CELSR3: variants seen among roughly 807,000 people sequenced by gnomAD.
CELSR3 encodes EGF-like protein 1.
In CELSR3, 73 loss-of-function variants were observed where a neutral mutation model predicts 270.0. The ratio of observed to expected loss-of-function variants is 0.27; its 90% confidence interval spans 0.22 to 0.33. CELSR3 has a LOEUF of 0.33. Ranked by LOEUF, CELSR3 falls within the 10% of genes least tolerant of loss-of-function variation. CELSR3 has a pLI of 1.00. For synonymous variants in CELSR3, 1,780 were observed against 1,905.4 expected, an observed-to-expected ratio of 0.93 and a Z score of 1.71; for missense variants, 3,614 against 4,533.8, an observed-to-expected ratio of 0.80 and a Z score of 5.83.
rs1367276432 is a variant in CELSR3, at chr3:48,658,513, C to A, written c.3748+374G>T. ...AAGCGTCAGACTGGACCCAAAGTAA[C>A]CCTTCGTCTGAACATGGGCATAGTG... On this transcript the variant is annotated intron_variant, in intron 1 of 34. Transcript: ENST00000164024. The surrounding 1 kb of genome is among the most constrained non-coding windows in gnomAD (Gnocchi z 4.7). Among the ~76,000 whole-genome samples the A allele has an allele frequency of 6.6e-6, 1 of 152,178 alleles. No individual in the cohort carries two copies. Among genetic ancestry groups the A allele is most frequent in the Admixed American group, 6.5e-5 (1 of 15,276 alleles).
chr3:48,646,172 A>T lies in CELSR3; in HGVS notation c.7381T>A (p.Ser2461Thr). ...GRNFLRGILE[S>T]PISLEFRLLQ... is the part of the protein sequence containing the mutation. ...AGGCGAAACTCTAGGCTGATGGGGG[A>T]CTCCAGGATTCCCCTTAGGAAGTTG... The change falls in exon 22 of 35, where the codon TCC (serine) becomes ACC (threonine). Residue 2461 changes from serine (S) to threonine (T), a missense_variant. Transcript: ENST00000164024. The surrounding 1 kb of genome is among the most constrained non-coding windows in gnomAD (Gnocchi z 4.8). 6.2e-7 allele frequency: 1 copy of T among 1,612,386 alleles called. No homozygotes were observed. The highest frequency in any genetic ancestry group is 1.7e-5 in the Admixed American group (1 of 59,962).
chr3:48,655,824 C>A lies in CELSR3; in HGVS notation c.4653G>T (p.Leu1551=), dbSNP rs1389617102. ...LSFATVQQSG[L]LFYNGRLNEK... is the part of the protein sequence containing the mutation. ...CGTTCAGGCGCCCGTTGTAGAAGAGCAGCCCGCTCTGCTGCACTGTCGCGA... is the reference window on the plus strand; with the variant it reads ...CGTTCAGGCGCCCGTTGTAGAAGAGAAGCCCGCTCTGCTGCACTGTCGCGA... The change falls in exon 4 of 35, where the codon CTG becomes CTT. Residue 1551 remains leucine (L), a synonymous_variant. Transcript: ENST00000164024. The surrounding 1 kb of genome is among the most constrained non-coding windows in gnomAD (Gnocchi z 5.8). The A allele has an allele frequency of 2.5e-6, 4 of 1,611,174 alleles. No individual in the cohort carries two copies. Among genetic ancestry groups the A allele is most frequent in the Non-Finnish European group, 2.5e-6 (3 of 1,179,662 alleles).
In CELSR3 at chr3:48,640,572, G is replaced by T. The variant is rs1241383930; in HGVS notation, c.9026-13C>A. 6.5e-7 allele frequency: 1 copy of T among 1,546,562 alleles called. No homozygotes were observed. The highest frequency in any genetic ancestry group is 1.4e-5 in the African/African-American group (1 of 73,324). ...TTCTTCAGGATGCCTGTGAGAGGAAGAAAATGGGGGGCAGGGTTTGTGTGG... is the reference window on the plus strand; with the variant it reads ...TTCTTCAGGATGCCTGTGAGAGGAATAAAATGGGGGGCAGGGTTTGTGTGG... On this transcript the variant is annotated splice_polypyrimidine_tract_variant and intron_variant, in intron 33 of 34. Transcript: ENST00000164024. This position sits in a 1 kb window ranked among gnomAD's most constrained non-coding sequence, Gnocchi z 7.5.
At chr3:48,649,311 G>A (rs755349371) in intron 16 of CELSR3, 96 bp from the exon 17 acceptor site, 9 of 1,036,862 alleles carry the variant, frequency 8.7e-6, no homozygotes, top group South Asian at 4.3e-5. Flanking sequence ...GAATCCCTGA[G>A]GCAGAAGTCA....
At position 48,661,545 on chromosome 3, in the gene CELSR3, G is replaced by A. The variant is rs747960554; in HGVS notation, c.1090C>T (p.Leu364=). The A allele has an allele frequency of 1.2e-6, 2 of 1,607,410 alleles. No individual in the cohort carries two copies. The highest frequency in any genetic ancestry group is 1.7e-6 in the Non-Finnish European group (2 of 1,178,190). ...AGEAGRLVYS[L]AALMNSRSLE... The stretch of plus-strand genomic sequence containing the variant: ...GAGCGGCTGTTCATGAGTGCCGCCA[G>A]CGAGTAGACTAGGCGCCCGGCCTCG... The change falls in exon 1 of 35, where the codon CTG becomes TTG. Residue 364 remains leucine, a synonymous_variant. Coordinates refer to ENST00000164024, the MANE Select transcript of CELSR3 (RefSeq NM_001407.3).
Position 48,653,829 on chromosome 3 carries a change from G to C in CELSR3, c.5279-41C>G. On this transcript the variant is annotated intron_variant, in intron 8 of 34. Transcript: ENST00000164024. This position sits in a 1 kb window ranked among gnomAD's most constrained non-coding sequence, Gnocchi z 6.5. ...AAACAGGGTTACAGCCCCTGCCCCA[G>C]GAACAGATCTGACCCTGCAGGCCCC... The C allele has an allele frequency of 6.2e-7, 1 of 1,612,160 alleles. No individual in the cohort carries two copies. Among genetic ancestry groups the C allele is most frequent in the Non-Finnish European group, 8.5e-7 (1 of 1,178,398 alleles).
rs1431632079 is a variant in CELSR3, at chr3:48,657,026, G to A, written c.4071C>T (p.Tyr1357=). 1.2e-6 allele frequency: 2 copies of A among 1,613,470 alleles called. No individual in the cohort carries two copies. The highest frequency in any genetic ancestry group is 1.7e-6 in the Non-Finnish European group (2 of 1,179,846). ...GAGCCGCCAGCGCCGCCCGGCGCAC[G>A]TACAACTGCTCCTGCAGCTCCTCGG... ...FSSEELQEQL[Y]VRRAALAARS... Residue 1357 remains tyrosine (Y), a synonymous_variant, in exon 2 of 35, where the codon TAC becomes TAT. Transcript: ENST00000164024. The surrounding 1 kb of genome is among the most constrained non-coding windows in gnomAD (Gnocchi z 5.4).
Position 48,655,319 on chromosome 3 carries a change from C to T in CELSR3, c.4817G>A (p.Arg1606Lys), listed in dbSNP as rs1301516370. 1.2e-6 allele frequency: 2 copies of T among 1,614,132 alleles called. No homozygotes were observed. Residue 1606 changes from arginine to lysine, a missense_variant, in exon 5 of 35, where the codon AGA (arginine) becomes AAA (lysine). By Grantham distance (26) the Arg-to-Lys change is conservative (BLOSUM62 2). This residue lies in a region of CELSR3 where 1,331 missense variants were observed against 1,933.7 expected (regional missense o/e 0.69). Transcript: ENST00000164024. The surrounding 1 kb of genome is among the most constrained non-coding windows in gnomAD (Gnocchi z 5.8). ...GATGGCCCCCACCTTGTTGTAGTAT[C>T]TCAGATGCACTGTATGCCATTGCCC... The part of the protein sequence containing the change: ...SDGQWHTVHL[R>K]YYNKPRTDAL...
chr3:48,641,394 G>C lies in CELSR3; in HGVS notation c.8955C>G (p.Asn2985Lys). 1 of 1,612,644 alleles carries C rather than the reference G, an allele frequency of 6.2e-7. No homozygotes were observed. The highest frequency in any genetic ancestry group is 8.5e-7 in the Non-Finnish European group (1 of 1,179,794). ...GLDTSKDAANNNQPDPALTSG... is the reference protein window; with the variant it reads ...GLDTSKDAANKNQPDPALTSG... Reference sequence around the variant, plus strand: ...TGGTCAGGGCCGGGTCTGGCTGGTTGTTGTTAGCTGCATCCTTGCTGGTGT... The same window carrying C: ...TGGTCAGGGCCGGGTCTGGCTGGTTCTTGTTAGCTGCATCCTTGCTGGTGT... The change falls in exon 33 of 35, where the codon AAC becomes AAG. Residue 2985 changes from asparagine to lysine, a missense_variant. This residue lies in a region of CELSR3 where 1,240 missense variants were observed against 1,351.7 expected (regional missense o/e 0.92). Coordinates refer to ENST00000164024, the MANE Select transcript of CELSR3 (RefSeq NM_001407.3). The surrounding 1 kb of genome is among the most constrained non-coding windows in gnomAD (Gnocchi z 4.8).
Position 48,654,248 on chromosome 3 carries a change from G to T in CELSR3, c.5152+41C>A, listed in dbSNP as rs769624887. ...TCCTCCACTTCCTCCCTATGATGGG[G>T]ACAGGGCCATGGGCTAGGCTGGTGG... On this transcript the variant is annotated intron_variant, in intron 7 of 34. Coordinates refer to ENST00000164024, the MANE Select transcript of CELSR3 (RefSeq NM_001407.3). The surrounding 1 kb of genome is among the most constrained non-coding windows in gnomAD (Gnocchi z 5.4). 1 of 1,612,328 alleles carries T rather than the reference G, an allele frequency of 6.2e-7. No homozygotes were observed. Among genetic ancestry groups the T allele is most frequent in the Non-Finnish European group, 8.5e-7 (1 of 1,179,334 alleles).
rs747229038 is a variant in CELSR3, at chr3:48,656,904, G to A, written c.4193C>T (p.Ser1398Leu). ...GGCCGAGGCCAGGAAGGGCGCGGAC[G>A]AGTCAAAGCGGAGCACGGACACGCA... ...MKCVSVLRFDSSAPFLASAST... is the reference protein window; with the variant it reads ...MKCVSVLRFDLSAPFLASAST... The change falls in exon 2 of 35, where the codon TCG becomes TTG. Residue 1398 changes from serine to leucine, a missense_variant. Coordinates refer to ENST00000164024, the MANE Select transcript of CELSR3 (RefSeq NM_001407.3). 1.9e-6 allele frequency: 3 copies of A among 1,610,264 alleles called. No homozygotes were observed. Among genetic ancestry groups the A allele is most frequent in the South Asian group, 2.2e-5 (2 of 90,510 alleles).
At position 48,647,990 on chromosome 3, in the gene CELSR3, C is replaced by G; in HGVS notation, c.6980G>C (p.Ser2327Thr). The change falls in exon 20 of 35, where the codon AGC becomes ACC. Residue 2327 changes from serine (S) to threonine (T), a missense_variant. This residue lies in a region of CELSR3 where 1,240 missense variants were observed against 1,351.7 expected (regional missense o/e 0.92). Transcript: ENST00000164024. ...MGLVTPNIML[S>T]IDRMEHPSSP... ...ACTGGGGTGCTCCATGCGGTCAATG[C>G]TGAGCACTACCCAGGAGAAAGAAAG... The G allele has an allele frequency of 6.2e-7, 1 of 1,611,984 alleles. No homozygotes were observed. The highest frequency in any genetic ancestry group is 8.5e-7 in the Non-Finnish European group (1 of 1,179,616).
chr3:48,643,852 A>C, intron 27 of CELSR3, 175 bp from the exon 28 acceptor site: 3 of 697,510 alleles, frequency 4.3e-6, no homozygotes, highest in Non-Finnish European at 7.0e-6. Context: ...CCACAAAGAA[A>C]CAGGAGAGCA....
chr3:48,637,903 C>T lies in CELSR3; in HGVS notation c.*302G>A, dbSNP rs544328901. On this transcript the variant is annotated 3_prime_UTR_variant, in exon 35 of 35. Transcript: ENST00000164024. ...CATCTCTCCCTCTATCTCCCTCCCC[C>T]TCCCAGCCCAGCCTCAAACCCCCCA... is the stretch of plus-strand genomic sequence containing the variant. The T allele has an allele frequency of 9.0e-5, 36 of 401,822 alleles. No individual in the cohort carries two copies. Among genetic ancestry groups the T allele is most frequent in the Middle Eastern group, 6.7e-4 (1 of 1,496 alleles). 24.9% of individuals were successfully genotyped at this position (401,822 alleles called of 1,614,324 possible).
Position 48,657,224 on chromosome 3 carries a change from C to T in CELSR3, c.3873G>A (p.Leu1291=). 1.1e-5 allele frequency: 17 copies of T among 1,613,578 alleles called. No homozygotes were observed. The highest frequency in any genetic ancestry group is 1.4e-5 in the Non-Finnish European group (17 of 1,179,884). Residue 1291 remains leucine (L), a synonymous_variant, in exon 2 of 35, where the codon CTG becomes CTA. Transcript: ENST00000164024. This position sits in a 1 kb window ranked among gnomAD's most constrained non-coding sequence, Gnocchi z 5.4. ...CCACGCCCTCGAGGAAGCGGCCCAG[C>T]AGCGGTGACAGGAAGCGCTCCTGCC... ...NMWQERFLSP[L]LGRFLEGVAA...
At position 48,644,982 on chromosome 3, in the gene CELSR3, G is replaced by C; in HGVS notation, c.7972+53C>G. 6.5e-7 allele frequency: 1 copy of C among 1,549,202 alleles called. No individual in the cohort carries two copies. Among genetic ancestry groups the C allele is most frequent in the Non-Finnish European group, 8.8e-7 (1 of 1,139,316 alleles). Reference sequence around the variant, plus strand: ...GGGGTCATGAGCAGGAGTGGGGACAGGGTCAGGGGTCAGGCCATGTGATGG... The same window carrying C: ...GGGGTCATGAGCAGGAGTGGGGACACGGTCAGGGGTCAGGCCATGTGATGG... On this transcript the variant is annotated intron_variant, in intron 25 of 34. Coordinates refer to ENST00000164024, the MANE Select transcript of CELSR3 (RefSeq NM_001407.3). This position sits in a 1 kb window ranked among gnomAD's most constrained non-coding sequence, Gnocchi z 4.8.
chr3:48,656,370 G>T lies in CELSR3; in HGVS notation c.4400-5C>A, dbSNP rs1183449188. On this transcript the variant is annotated splice_polypyrimidine_tract_variant and splice_region_variant and intron_variant, in intron 2 of 34. Coordinates refer to ENST00000164024, the MANE Select transcript of CELSR3 (RefSeq NM_001407.3). ...TGTCCAGCTCGCAGTCCTCTCCTGG[G>T]GGCCAAGCCGCGGTCAGAGGCGGTC... 3.6e-6 allele frequency: 5 copies of T among 1,407,790 alleles called. No individual in the cohort carries two copies. The South Asian group carries it at 7.9e-5, about 22-fold the overall frequency. The allele number at this position is 1,407,790 out of a possible 1,614,324, so 87.2% of individuals were successfully genotyped here.
Position 48,655,002 on chromosome 3 carries a change from T to C in CELSR3, c.4988+42A>G. The C allele has an allele frequency of 6.3e-7, 1 of 1,593,894 alleles. No individual in the cohort carries two copies. The highest frequency in any genetic ancestry group is 2.2e-5 in the East Asian group (1 of 44,654). On this transcript the variant is annotated intron_variant, in intron 6 of 34. Coordinates refer to ENST00000164024, the MANE Select transcript of CELSR3 (RefSeq NM_001407.3). The surrounding 1 kb of genome is among the most constrained non-coding windows in gnomAD (Gnocchi z 5.8). ...GGATGTGAAGGGTTGGAGTGGGCTT[T>C]GGTAGGCAGGGGACAAGGGGACTAG...
Position 48,641,054 on chromosome 3 carries a change from CT to C in CELSR3, c.9025+269del. 1 of 501,516 alleles carries C rather than the reference CT, an allele frequency of 2.0e-6. No individual in the cohort carries two copies. Among genetic ancestry groups the C allele is most frequent in the African/African-American group, 1.9e-5 (1 of 51,358 alleles). 31.1% of individuals were successfully genotyped at this position (501,516 alleles called of 1,614,324 possible). A position where few individuals can be genotyped will look rare whatever the true frequency, so the allele number is the denominator to read the frequency against. On this transcript the variant is annotated intron_variant, in intron 33 of 34. Transcript: ENST00000164024. The surrounding 1 kb of genome is among the most constrained non-coding windows in gnomAD (Gnocchi z 4.8). ...GGTGGGGGGCAGGGGGAAGCAGCTC[CT>C]AGGGTCTCTGAAAAACAGATGGGCT...
Sources: allele counts gnomAD v4.1 joint callset (sites outside exome capture counted in the v4.1 genomes callset), GRCh38; gene constraint gnomAD v4.1.1; regional missense constraint gnomAD v4.1.1; non-coding constraint Gnocchi (gnomAD v3.1); transcripts MANE v1.5; gene names NCBI Gene and HGNC (gene_info 2026-07-23, HGNC 2026-07-21).